The following HR variants were observed in gnomAD, a reference collection of about 807,000 sequenced individuals.
HR encodes the protein lysine-specific demethylase hairless.
In HR, 83 loss-of-function variants were observed where a neutral mutation model predicts 128.6. The observed-to-expected ratio is 0.65, with a 90% CI of 0.54 to 0.77. The LOEUF (loss-of-function observed/expected upper bound fraction) is 0.77. HR is among the 30% of genes least tolerant of loss of function. The probability of loss-of-function intolerance (pLI) is 0.00; values close to 1 mark genes in which losing one functional copy is unlikely to be tolerated. For synonymous variants in HR, 681 were observed against 658.2 expected (o/e 1.03, Z -0.53); for missense variants, 1,490 against 1,574.6 (o/e 0.95, Z 0.91).
chr8:22,118,760 T>G (rs907782274), intron 16 of HR, 190 bp downstream of exon 16: 1 of 608,410 alleles, frequency 1.6e-6, no homozygotes, highest in Non-Finnish European at 2.9e-6. Flanking sequence ...CTGCCCCTTC[T>G]CTGAGCCCCA....
chr8:22,128,050 A>G, intron 2 of HR: 1 of 626,922 alleles, frequency 1.6e-6, no homozygotes, highest in South Asian at 1.9e-5. Flanking sequence ...AAGGAAGTCT[A>G]AGAACTAAAG....
rs1469951004 is a variant in HR, at chr8:22,127,203, C to T, written c.1239G>A (p.Arg413=). Reference sequence around the variant, plus strand: ...CTCCCTGGACCTCGGGGCTGCCTGCCCTTTTGAGGGCCCGGAGCCGAGCAA... The same window carrying T: ...CTCCCTGGACCTCGGGGCTGCCTGCTCTTTTGAGGGCCCGGAGCCGAGCAA... ...RPVARLRALK[R]AGSPEVQGAM... is the part of the protein sequence containing the mutation. The change falls in exon 3 of 19, where the codon AGG becomes AGA. Residue 413 remains arginine (R), a synonymous_variant. Transcript: ENST00000381418. The T allele has an allele frequency of 3.1e-6, 5 of 1,612,898 alleles. No individual in the cohort carries two copies. In the African/African-American group the frequency reaches 4.0e-5, roughly 13 times the overall value.
At chr8:22,120,990 A>C in intron 10 of HR, 32 bp from the exon 11 acceptor site, 1 of 1,610,346 alleles carries the variant, frequency 6.2e-7, no homozygotes, top group Non-Finnish European at 8.5e-7. Context: ...CTTAGGACCC[A>C]CTGGGCCCCA....
intron 15 of HR, 21 bp downstream of exon 15, chr8:22,119,143 T>C: frequency 1.2e-6 from 2 of 1,613,800 alleles, no homozygotes; most frequent in Non-Finnish European, 1.7e-6. Context: ...TCCCCGCTCC[T>C]GCCTCTGGCC....
intron 1 of HR, 78 bp from the exon 2 acceptor site, chr8:22,129,288 C>T (rs372133951): frequency 3.6e-5 from 47 of 1,292,786 alleles, no homozygotes; most frequent in African/African-American, 1.9e-4. Flanking sequence ...GAGTGGGCAC[C>T]GCCCTGGCAA....
chr8:22,126,971 A>C, intron 3 of HR, 66 bp downstream of exon 3: 1 of 1,500,164 alleles, frequency 6.7e-7, no homozygotes, highest in Non-Finnish European at 9.1e-7. Flanking sequence ...ACCCCGCCCC[A>C]TGCGAAGCCC....
intron 3 of HR, 32 bp from the exon 4 acceptor site, chr8:22,125,764 G>A (rs1742052772): frequency 1.2e-6 from 2 of 1,611,616 alleles, no homozygotes; most frequent in Non-Finnish European, 1.7e-6. Flanking sequence ...CAGGAATCTG[G>A]GTTTCTTGGG....
rs371739727 is a variant in HR, at chr8:22,118,980, G to T, written c.3183C>A (p.Asp1061Glu). 1.9e-6 allele frequency: 3 copies of T among 1,612,342 alleles called. No individual in the cohort carries two copies. The highest frequency in any genetic ancestry group is 2.5e-6 in the Non-Finnish European group (3 of 1,180,004). ...STVWHVFRAQ[D>E]AQRIRRFLQM... is the part of the protein sequence containing the mutation. Reference sequence around the variant, plus strand: ...GGAGAAAGCGGCGGATGCGCTGGGCGTCCTGTGCCCGGAACACGTGCCACA... The same window carrying T: ...GGAGAAAGCGGCGGATGCGCTGGGCTTCCTGTGCCCGGAACACGTGCCACA... Residue 1061 changes from aspartate to glutamate, a missense_variant, in exon 16 of 19, where the codon GAC becomes GAA. By Grantham distance (45) the Asp-to-Glu change is conservative. Transcript: ENST00000381418.
chr8:22,123,617 T>TGTGGG, intron 6 of HR, 32 bp downstream of exon 6: 5 of 292,086 alleles, frequency 1.7e-5, no homozygotes, highest in South Asian at 3.0e-5. Context: ...GAGGGCTCCA[T>TGTGGG]CCCGCCCTCC....
chr8:22,116,744 C>A lies in HR; in HGVS notation c.3378+131G>T. The A allele has an allele frequency of 7.7e-7, 1 of 1,302,082 alleles. No individual in the cohort carries two copies. Among genetic ancestry groups the A allele is most frequent in the South Asian group, 1.3e-5 (1 of 78,728 alleles). The allele number at this position is 1,302,082 out of a possible 1,614,324, so 80.7% of individuals were successfully genotyped here. A position where few individuals can be genotyped will look rare whatever the true frequency, so the allele number is the denominator to read the frequency against. On this transcript the variant is annotated intron_variant, in intron 17 of 18. Transcript: ENST00000381418. The surrounding 1 kb of genome is among the most constrained non-coding windows in gnomAD (Gnocchi z 4.2). The stretch of plus-strand genomic sequence containing the variant: ...TCTTGGCTCCCCCGTTATCTCTTCC[C>A]CACAGCAGCGTGCGGCTCCCTGCCC...
chr8:22,126,917 T>TG, intron 3 of HR, 120 bp downstream of exon 3: 3 of 981,164 alleles, frequency 3.1e-6, no homozygotes, highest in Non-Finnish European at 4.5e-6. Context: ...GTGATCCAGG[T>TG]GGGAGCCTGA....
rs199936090 is a variant in HR at position 22,128,688 on chromosome 8, G to A, written c.483C>T (p.Thr161=). The A allele has an allele frequency of 6.9e-6, 11 of 1,585,090 alleles. No individual in the cohort carries two copies. In the East Asian group the frequency reaches 2.5e-4, roughly 36 times the overall value. Residue 161 remains threonine (T), a synonymous_variant, in exon 2 of 19, where the codon ACC becomes ACT. Coordinates refer to ENST00000381418, the MANE Select transcript of HR (RefSeq NM_005144.5). ...CAGACACTAGGTAGGGTGGCAAGCA[G>A]GTGGGCACCCAGAAGGGAGCTCGCT... The part of the protein sequence containing the change: ...ILERAPFWVP[T]CLPPYLVSGL...
rs1194639547 is a variant in HR at position 22,127,284 on chromosome 8, C to T, written c.1158G>A (p.Arg386=). 1.2e-6 allele frequency: 2 copies of T among 1,613,172 alleles called. No homozygotes were observed. The highest frequency in any genetic ancestry group is 1.3e-5 in the African/African-American group (1 of 74,928). Residue 386 remains arginine (R), a synonymous_variant, in exon 3 of 19, where the codon CGG becomes CGA. Transcript: ENST00000381418. ...HTKLKKTWLT[R]HSEQFECPRG... ...GTGGACATTCAAACTGCTCCGAGTG[C>T]CGTGTGAGCCATGTCTTCTTCAGCT...
At chr8:22,125,183 C>T in intron 5 of HR, 128 bp downstream of exon 5, 3 of 911,080 alleles carry the variant, frequency 3.3e-6, no homozygotes, top group Non-Finnish European at 4.9e-6. Flanking sequence ...CTGATGTCCC[C>T]ACCCAGGCCA....
rs1314498451 is a variant in HR at position 22,130,476 on chromosome 8, C to G, written c.-89G>C. ...GCGCGGGCGGTGGCGGTCGTCGTGG[C>G]CGGCACCGGGCGCCTGCTCCCCATG... On this transcript the variant is annotated 5_prime_UTR_variant, in exon 1 of 19. Transcript: ENST00000381418. The G allele has an allele frequency of 6.6e-6, 1 of 152,208 alleles. No individual in the cohort carries two copies. The highest frequency in any genetic ancestry group is 2.4e-5 in the African/African-American group (1 of 41,452). 9.4% of individuals were successfully genotyped at this position (152,208 alleles called of 1,614,324 possible).
intron 2 of HR, 124 bp from the exon 3 acceptor site, chr8:22,127,953 A>T (rs1414468959): frequency 1.0e-6 from 1 of 976,118 alleles, no homozygotes; most frequent in Admixed American, 1.9e-5. Flanking sequence ...TGATTAATAA[A>T]CAGCACTGCC....
chr8:22,122,421 G>C, intron 8 of HR, 72 bp downstream of exon 8: 1 of 1,077,364 alleles, frequency 9.3e-7, no homozygotes, highest in Non-Finnish European at 1.4e-6. Flanking sequence ...AAGAAAAGGG[G>C]GGGCCAAACC....
chr8:22,124,873 C>A (rs1055246837), intron 5 of HR, among the ~76,000 whole-genome samples: 2 of 152,132 alleles, frequency 1.3e-5, no homozygotes, highest in African/African-American at 4.8e-5. Context: ...CACCAAGGGG[C>A]CTGGCCTGTC....
At position 22,125,677 on chromosome 8, in the gene HR, G is replaced by T. The variant is rs78703240; in HGVS notation, c.1461C>A (p.Cys487Ter). The T allele has an allele frequency of 6.2e-7, 1 of 1,613,882 alleles. No individual in the cohort carries two copies. Among genetic ancestry groups the T allele is most frequent in the Non-Finnish European group, 8.5e-7 (1 of 1,179,980 alleles). ...LQDPGLQDIP[C>*]LALPAKLAQC... ...GAGCCAGTTTTGCAGGGAGAGCCAGGCATGGTATGTCCTGAAGTCCCGGGT... is the reference window on the plus strand; with the variant it reads ...GAGCCAGTTTTGCAGGGAGAGCCAGTCATGGTATGTCCTGAAGTCCCGGGT... Residue 487 changes from cysteine to a stop codon, truncating the protein, a stop_gained, in exon 4 of 19, where the codon TGC (cysteine) becomes TGA (stop). Transcript: ENST00000381418. LOFTEE classifies it high-confidence loss of function.
Sources: gnomAD v4.1 joint callset for allele counts (sites outside exome capture counted in the v4.1 genomes callset) on GRCh38, gnomAD v4.1.1 for gene constraint, Gnocchi (gnomAD v3.1) non-coding constraint, MANE v1.5 for transcripts, NCBI Gene and HGNC (gene_info 2026-07-23, HGNC 2026-07-21) for gene names.